Variants in ANK3 observed in about 807,000 individuals in gnomAD.
ANK3 encodes ankyrin 3.
In ANK3, 57 loss-of-function variants were observed where a neutral mutation model predicts 370.9. The ratio of observed to expected loss-of-function variants is 0.15; its 90% confidence interval spans 0.12 to 0.19. The LOEUF (loss-of-function observed/expected upper bound fraction) is 0.19, where lower values mean the gene tolerates loss of function less well. ANK3 is among the 10% of genes least tolerant of loss of function. ANK3 has a pLI of 1.00. For synonymous variants in ANK3, 1,929 were observed against 1,946.3 expected, an observed-to-expected ratio of 0.99 and a Z score of 0.23; for missense variants, 4,439 against 5,302.1, an observed-to-expected ratio of 0.84 and a Z score of 5.06.
intron 28 of ANK3, among the ~76,000 whole-genome samples, chr10:60,093,703 T>C (rs1229257214): frequency 2.0e-5 from 3 of 152,214 alleles, no homozygotes; most frequent in African/African-American, 7.2e-5. Context: ...ACTTAAGCTC[T>C]ACTCTGTCAC....
Position 60,100,029 on chromosome 10 carries a change from T to C in ANK3, c.3328+5876A>G, listed in dbSNP as rs1331475896. On this transcript the variant is annotated intron_variant, in intron 28 of 43. Coordinates refer to ENST00000280772, the MANE Select transcript of ANK3 (RefSeq NM_020987.5). ...AGACATGTAATTTCTGGCAAATCCA[T>C]ATATGCAAATGCATTAAAAACCTGT... Among the ~76,000 whole-genome samples the C allele has an allele frequency of 2.0e-5, 3 of 152,192 alleles. No individual in the cohort carries two copies. In the East Asian group the frequency reaches 5.8e-4, roughly 29 times the overall value.
At chr10:60,488,499 ATAAT>A (rs2075407855) in intron 2 of ANK3, among the ~76,000 whole-genome samples, 1 of 152,222 alleles carries the variant, frequency 6.6e-6, no homozygotes, top group Admixed American at 6.5e-5. Flanking sequence ...TGCAACCATC[ATAAT>A]TAATTTTAGA....
chr10:60,315,331 G>A (rs550125648), intron 1 of ANK3, among the ~76,000 whole-genome samples: 6 of 152,112 alleles, frequency 3.9e-5, no homozygotes, highest in African/African-American at 7.2e-5. Context: ...TTATATTACC[G>A]TGTTTTAAAG....
chr10:60,556,852 T>C (rs2077217982), intron 2 of ANK3, among the ~76,000 whole-genome samples: 1 of 151,914 alleles, frequency 6.6e-6, no homozygotes, highest in Non-Finnish European at 1.5e-5. Context: ...CAGGAGTGAG[T>C]GGTGGGTAGT....
chr10:60,215,375 T>C (rs544191190), intron 8 of ANK3, among the ~76,000 whole-genome samples: 52 of 152,330 alleles, frequency 3.4e-4, no homozygotes, highest in African/African-American at 1.2e-3. Context: ...AGATCTCATT[T>C]GTCAAATTTA....
chr10:60,577,038 A>T (rs1332670961), intron 2 of ANK3, among the ~76,000 whole-genome samples: 1 of 152,202 alleles, frequency 6.6e-6, no homozygotes, highest in Non-Finnish European at 1.5e-5. Flanking sequence ...AAAAAGAAAA[A>T]AGTAACTAGG....
chr10:60,713,122 A>G (rs2079733236), intron 1 of ANK3, among the ~76,000 whole-genome samples: 1 of 152,234 alleles, frequency 6.6e-6, no homozygotes, highest in Non-Finnish European at 1.5e-5. Context: ...GTTGATATTC[A>G]TGGAGTACTT....
chr10:60,160,517 A>G (rs1329767006), intron 23 of ANK3, among the ~76,000 whole-genome samples: 1 of 152,106 alleles, frequency 6.6e-6, no homozygotes, highest in Non-Finnish European at 1.5e-5. Context: ...TATTATTCCA[A>G]AAATTTGAGG....
intron 1 of ANK3, among the ~76,000 whole-genome samples, chr10:60,693,635 G>T (rs527353985): frequency 6.6e-6 from 1 of 152,186 alleles, no homozygotes; most frequent in African/African-American, 2.4e-5. Flanking sequence ...CCCCAGCAGG[G>T]GCAGATTGAC....
intron 2 of ANK3, among the ~76,000 whole-genome samples, chr10:60,523,663 C>T (rs2076403670): frequency 6.6e-6 from 1 of 151,772 alleles, no homozygotes; most frequent in Admixed American, 6.6e-5. Context: ...TGGGTTGGTT[C>T]CAAGTCTTTG....
intron 2 of ANK3, among the ~76,000 whole-genome samples, chr10:60,611,317 C>T (rs1362353504): frequency 2.0e-5 from 3 of 152,092 alleles, no homozygotes; most frequent in Non-Finnish European, 2.9e-5. Context: ...CACACCTGGC[C>T]GCCCGCTGGC....
In ANK3 at chr10:60,716,556, G is replaced by A. The variant is rs560346595; in HGVS notation, c.57+16707C>T. 5.3e-5 allele frequency among the ~76,000 whole-genome samples: 8 copies of A among 151,828 alleles called. No individual in the cohort carries two copies. The East Asian group carries it at 1.4e-3, about 26-fold the overall frequency. On this transcript the variant is annotated intron_variant, in intron 1 of 43. Coordinates refer to the ANK3 transcript ENST00000373827. ...ATTTAAGAAAAATTTTTTTGTCACC[G>A]AGGCTGGAGTGTAGTGGCACATTCA...
chr10:60,088,137 T>G lies in ANK3; in HGVS notation c.3540+10A>C. The G allele has an allele frequency of 6.2e-7, 1 of 1,613,596 alleles. No individual in the cohort carries two copies. The highest frequency in any genetic ancestry group is 8.5e-7 in the Non-Finnish European group (1 of 1,179,584). On this transcript the variant is annotated intron_variant, in intron 29 of 43. Coordinates refer to ENST00000280772, the MANE Select transcript of ANK3 (RefSeq NM_020987.5). Reference sequence around the variant, plus strand: ...GCATACTGAGGGAAACAACTTTTTGTGAACATTACCTGGAGGCCCACTCGA... The same window carrying G: ...GCATACTGAGGGAAACAACTTTTTGGGAACATTACCTGGAGGCCCACTCGA...
At chr10:60,531,034 G>A (rs2076594616) in intron 2 of ANK3, among the ~76,000 whole-genome samples, 1 of 152,062 alleles carries the variant, frequency 6.6e-6, no homozygotes, top group Non-Finnish European at 1.5e-5. Context: ...TAGAATCAGT[G>A]AGAATACAAA....
At chr10:60,052,046 C>T (rs1589277211) in intron 42 of ANK3, among the ~76,000 whole-genome samples, 1 of 152,216 alleles carries the variant, frequency 6.6e-6, no homozygotes, top group East Asian at 1.9e-4. Context: ...TTATTAAAAG[C>T]TATTTTGAAC....
At chr10:60,457,509 C>T (rs1241525268) in intron 2 of ANK3, among the ~76,000 whole-genome samples, 1 of 152,098 alleles carries the variant, frequency 6.6e-6, no homozygotes. Flanking sequence ...CTTTTGCTCT[C>T]CCTTGGTGTT....
In ANK3 at chr10:60,208,253, C is replaced by T. The variant is rs754908535; in HGVS notation, c.997-20G>A. 1.2e-6 allele frequency: 2 copies of T among 1,608,548 alleles called. No individual in the cohort carries two copies. Among genetic ancestry groups the T allele is most frequent in the South Asian group, 2.2e-5 (2 of 90,918 alleles). On this transcript the variant is annotated intron_variant, in intron 9 of 43. Transcript: ENST00000280772. ...TCCATTCTGGAACACATAAAGAAATCAGAGTTCATTCTTTTACCTTTTAAA... is the reference window on the plus strand; with the variant it reads ...TCCATTCTGGAACACATAAAGAAATTAGAGTTCATTCTTTTACCTTTTAAA...
intron 2 of ANK3, among the ~76,000 whole-genome samples, chr10:60,527,928 G>T (rs751354803): frequency 2.0e-5 from 3 of 152,000 alleles, no homozygotes; most frequent in Non-Finnish European, 4.4e-5. Context: ...ACCCCTAACT[G>T]CTCCAAAGAG....
chr10:60,727,599 C>T (rs2079959612), intron 1 of ANK3, among the ~76,000 whole-genome samples: 1 of 152,004 alleles, frequency 6.6e-6, no homozygotes, highest in African/African-American at 2.4e-5. Context: ...GTACACATAC[C>T]AACACATACA....
Sources: gnomAD v4.1 joint callset for allele counts (sites outside exome capture counted in the v4.1 genomes callset) on GRCh38, gnomAD v4.1.1 for gene constraint, MANE v1.5 for transcripts, NCBI Gene and HGNC (gene_info 2026-07-23, HGNC 2026-07-21) for gene names.